The following ADAM23 variants were observed in gnomAD, a reference collection of about 807,000 sequenced individuals.
The protein encoded by ADAM23 is disintegrin and metalloproteinase domain-containing protein 23.
A neutral mutation model predicts 120.1 loss-of-function variants in ADAM23; 33 were observed. That is an observed-to-expected ratio of 0.27 (90% CI 0.21 to 0.37). The LOEUF is 0.37. Ranked by LOEUF, ADAM23 falls within the 10% of genes least tolerant of loss-of-function variation. The probability of loss-of-function intolerance (pLI) is 1.00; values close to 1 mark genes in which losing one functional copy is unlikely to be tolerated. For synonymous variants in ADAM23, 367 were observed against 375.2 expected (o/e 0.98, Z 0.25); for missense variants, 862 against 1,058.2 (o/e 0.81, Z 2.57).
At chr2:206,500,250 C>G (rs1328007627) in intron 3 of ADAM23, among the ~76,000 whole-genome samples, 3 of 152,028 alleles carry the variant, frequency 2.0e-5, no homozygotes, top group Admixed American at 2.0e-4. Context: ...ATATAGGAAG[C>G]AAAAGAAAAC....
chr2:206,619,171 C>T lies in ADAM23; in HGVS notation c.*1544C>T, dbSNP rs1212713678. 6.6e-6 allele frequency: 1 copy of T among 152,156 alleles called. No individual in the cohort carries two copies. The highest frequency in any genetic ancestry group is 1.9e-4 in the East Asian group (1 of 5,190). The allele number at this position is 152,156 out of a possible 1,614,324, so 9.4% of individuals were successfully genotyped here. ...ATGCTGTGCTGTGCTTTCAAGAAAC[C>T]TTGTTTGACCTCTGGCATTTTACTG... On this transcript the variant is annotated 3_prime_UTR_variant, in exon 26 of 26. Coordinates refer to ENST00000264377, the MANE Select transcript of ADAM23 (RefSeq NM_003812.4).
chr2:206,530,942 C>T lies in ADAM23; in HGVS notation c.567C>T (p.Tyr189=). The change falls in exon 4 of 26, where the codon TAC becomes TAT. Residue 189 remains tyrosine (Y), a synonymous_variant. Transcript: ENST00000264377. ...ACTACGAAAATGGGAAACCACAGTA[C>T]TCTAAGGTACGGTTACCGGCGTCGG... ...EIHYENGKPQ[Y]SKGGEHCYYH... 6 of 1,613,616 alleles carry T rather than the reference C, an allele frequency of 3.7e-6. No individual in the cohort carries two copies. Among genetic ancestry groups the T allele is most frequent in the South Asian group, 2.2e-5 (2 of 91,000 alleles).
At chr2:206,461,463 A>G (rs1695417952) in intron 2 of ADAM23, among the ~76,000 whole-genome samples, 1 of 152,182 alleles carries the variant, frequency 6.6e-6, no homozygotes, top group Admixed American at 6.5e-5. Flanking sequence ...TGTGCAATAG[A>G]TAGCCAGTTT....
intron 18 of ADAM23, among the ~76,000 whole-genome samples, chr2:206,579,336 A>G (rs1035686172): frequency 6.6e-5 from 10 of 152,014 alleles, no homozygotes; most frequent in African/African-American, 1.4e-4. Context: ...GGGTTTTTCA[A>G]TGTTTTCTTC....
intron 2 of ADAM23, among the ~76,000 whole-genome samples, chr2:206,447,012 A>G (rs1208509088): frequency 3.3e-5 from 5 of 152,206 alleles, no homozygotes; most frequent in African/African-American, 1.2e-4. Context: ...TGCTGGAGGA[A>G]GGAAAAACAG....
chr2:206,585,943 G>A (rs1698313892), intron 18 of ADAM23, among the ~76,000 whole-genome samples: 1 of 152,248 alleles, frequency 6.6e-6, no homozygotes, highest in South Asian at 2.1e-4. Context: ...TGGAGGGGCT[G>A]CAGCTTTGAA....
At chr2:206,612,485 A>T (rs1300564577) in intron 25 of ADAM23, among the ~76,000 whole-genome samples, 1 of 152,246 alleles carries the variant, frequency 6.6e-6, no homozygotes, top group East Asian at 1.9e-4. Flanking sequence ...TCCTGATACC[A>T]GGTTTTTATT....
chr2:206,472,489 T>C (rs1336273241), intron 2 of ADAM23, among the ~76,000 whole-genome samples: 2 of 151,860 alleles, frequency 1.3e-5, no homozygotes, highest in East Asian at 3.9e-4. Context: ...GGCGCACACC[T>C]GTAGTCCCAG....
At chr2:206,583,917 G>T (rs565153429) in intron 18 of ADAM23, among the ~76,000 whole-genome samples, 11 of 152,132 alleles carry the variant, frequency 7.2e-5, no homozygotes, top group Admixed American at 2.0e-4. Context: ...GATTTTTTGG[G>T]GGGTGTTGAA....
chr2:206,502,926 C>T (rs1696419614), intron 3 of ADAM23, among the ~76,000 whole-genome samples: 1 of 152,132 alleles, frequency 6.6e-6, no homozygotes, highest in African/African-American at 2.4e-5. Flanking sequence ...GCTTCATCCC[C>T]CAGGGGGAGC....
At chr2:206,538,332 T>C (rs1249999068) in intron 4 of ADAM23, among the ~76,000 whole-genome samples, 1 of 152,200 alleles carries the variant, frequency 6.6e-6, no homozygotes, top group Non-Finnish European at 1.5e-5. Flanking sequence ...ATAGATATCT[T>C]TTTCTATTTC....
chr2:206,487,417 C>A (rs770205840), intron 3 of ADAM23, among the ~76,000 whole-genome samples: 1 of 152,064 alleles, frequency 6.6e-6, no homozygotes, highest in Non-Finnish European at 1.5e-5. Context: ...ATTTGGTAGG[C>A]CCTGGGTTGA....
At chr2:206,445,931 A>G (rs547166118) in intron 2 of ADAM23, among the ~76,000 whole-genome samples, 16 of 152,370 alleles carry the variant, frequency 1.1e-4, no homozygotes, top group South Asian at 2.1e-4. Flanking sequence ...GATTGCTTCA[A>G]GAAGCTATTT....
chr2:206,595,249 G>C (rs1488211477), intron 23 of ADAM23, among the ~76,000 whole-genome samples: 3 of 152,168 alleles, frequency 2.0e-5, no homozygotes, highest in Non-Finnish European at 2.9e-5. Context: ...GAATATTTCA[G>C]ATTAAAAAGC....
chr2:206,604,557 TTTTG>T (rs760960284), intron 24 of ADAM23, among the ~76,000 whole-genome samples: 12 of 152,278 alleles, frequency 7.9e-5, no homozygotes, highest in Non-Finnish European at 1.0e-4. Flanking sequence ...GTCCCCATCT[TTTTG>T]TTTGTTTGTT....
At chr2:206,480,184 G>T (rs1008232181) in intron 2 of ADAM23, among the ~76,000 whole-genome samples, 2 of 152,170 alleles carry the variant, frequency 1.3e-5, no homozygotes, top group South Asian at 4.1e-4. Context: ...TTCATGAAAA[G>T]CATTGCAGGT....
Position 206,596,126 on chromosome 2 carries a change from A to G in ADAM23, c.2323A>G (p.Arg775Gly). 1 of 1,614,118 alleles carries G rather than the reference A, an allele frequency of 6.2e-7. No individual in the cohort carries two copies. The highest frequency in any genetic ancestry group is 8.5e-7 in the Non-Finnish European group (1 of 1,180,008). The change falls in exon 24 of 26, where the codon AGG becomes GGG. Residue 775 changes from arginine (R) to glycine (G), a missense_variant. Arg to Gly is a moderately radical substitution (Grantham distance 125). Around this residue, in one of 4 missense-constraint regions of ADAM23, gnomAD observed 617 missense variants for 813.5 expected, o/e 0.76. Transcript: ENST00000264377. ...GTDCSIRDPV[R>G]NLHPPKDEGP... ...AGATTGCAGTATCCGGGATCCAGTT[A>G]GGAACCTTCACCCCCCCAAGGATGA...
At chr2:206,460,298 A>G (rs575492741) in intron 2 of ADAM23, among the ~76,000 whole-genome samples, 3 of 152,354 alleles carry the variant, frequency 2.0e-5, no homozygotes, top group African/African-American at 4.8e-5. Context: ...AGGAACCTCC[A>G]TAGCATTTTC....
Position 206,567,236 on chromosome 2 carries a change from C to T in ADAM23, c.1408C>T (p.Arg470Ter), listed in dbSNP as rs1195575532. ...IMEETGVSHS[R>*]KFSKCSILEY... ...TTGTTTCCTCAGGGTGTCCCATTCTCGAAAATTTTCAAAGTGCAGCATTTT... is the reference window on the plus strand; with the variant it reads ...TTGTTTCCTCAGGGTGTCCCATTCTTGAAAATTTTCAAAGTGCAGCATTTT... Residue 470 changes from arginine to a stop codon, truncating the protein, a stop_gained, in exon 15 of 26, where the codon CGA (arginine) becomes TGA (stop). Transcript: ENST00000264377. LOFTEE classifies it high-confidence loss of function. 3 of 1,612,664 alleles carry T rather than the reference C, an allele frequency of 1.9e-6. No individual in the cohort carries two copies. Among genetic ancestry groups the T allele is most frequent in the Non-Finnish European group, 2.5e-6 (3 of 1,179,162 alleles).
Sources: gnomAD v4.1 joint callset for allele counts (sites outside exome capture counted in the v4.1 genomes callset) on GRCh38, gnomAD v4.1.1 for gene constraint, gnomAD v4.1.1 regional missense constraint, MANE v1.5 for transcripts, NCBI Gene and HGNC (gene_info 2026-07-23, HGNC 2026-07-21) for gene names.